CCDC60: variants seen among roughly 807,000 people sequenced by gnomAD.
The protein encoded by CCDC60 is coiled-coil domain-containing protein 60.
Under a neutral mutation model 63.5 loss-of-function variants are expected in CCDC60, and 54 were observed. The ratio of observed to expected loss-of-function variants is 0.85; its 90% CI spans 0.68 to 1.07. The LOEUF (loss-of-function observed/expected upper bound fraction) is 1.07, where lower values mean the gene tolerates loss of function less well. Among genes scored for constraint, CCDC60 ranks in the 50% least tolerant of loss-of-function variants. CCDC60 has a pLI of 0.00. For missense variants in CCDC60, 651 were observed against 684.3 expected, an observed-to-expected ratio of 0.95 and a Z score of 0.54; for synonymous variants, 206 against 238.8, an observed-to-expected ratio of 0.86 and a Z score of 1.27.
In CCDC60 at chr12:119,456,039, G is replaced by T. The variant is rs940891694; in HGVS notation, c.171-15955G>T. 6.9e-6 allele frequency among the ~76,000 whole-genome samples: 1 copy of T among 145,838 alleles called. No individual in the cohort carries two copies. The highest frequency in any genetic ancestry group is 1.5e-5 in the Non-Finnish European group (1 of 66,442). On this transcript the variant is annotated intron_variant, in intron 2 of 13. Transcript: ENST00000327554. The surrounding 1 kb of genome is among the most constrained non-coding windows in gnomAD (Gnocchi z 4.6). ...AGAAAGAAAGAAAGAAAGAAAGAAA[G>T]AAAGAAAGAAAGAAAGAAAGAAAGC...
Position 119,450,911 on chromosome 12 carries a change from A to G in CCDC60, c.171-21083A>G, listed in dbSNP as rs1593106545. Reference sequence around the variant, plus strand: ...GATAAGACAAATCCAGCTCTCACAGAGCCCTGCAGCCTGGACTGCAGAGTC... The same window carrying G: ...GATAAGACAAATCCAGCTCTCACAGGGCCCTGCAGCCTGGACTGCAGAGTC... On this transcript the variant is annotated intron_variant, in intron 2 of 13. Transcript: ENST00000327554. Among the ~76,000 whole-genome samples the G allele has an allele frequency of 2.0e-5, 3 of 152,020 alleles. No homozygotes were observed. In the East Asian group the frequency reaches 5.8e-4, roughly 30 times the overall value.
intron 2 of CCDC60, among the ~76,000 whole-genome samples, chr12:119,439,233 G>T (rs929912262): frequency 2.7e-5 from 4 of 149,144 alleles, no homozygotes; most frequent in Non-Finnish European, 4.5e-5. Flanking sequence ...GTCCTTAGGT[G>T]AATTTATTCT....
chr12:119,405,479 C>T (rs1433897744), intron 1 of CCDC60, among the ~76,000 whole-genome samples: 4 of 152,160 alleles, frequency 2.6e-5, no homozygotes. Context: ...AAGTCGGGCT[C>T]TGTATTTTAA....
Position 119,423,682 on chromosome 12 carries a change from T to C in CCDC60, c.91-5001T>C, listed in dbSNP as rs114404750. Among the ~76,000 whole-genome samples the C allele has an allele frequency of 5.9e-3, 894 of 152,338 alleles. 8 individuals carry two copies. The highest frequency in any genetic ancestry group is 0.021 in the African/African-American group (861 of 41,590). The stretch of plus-strand genomic sequence containing the variant: ...CTTCTTCCCTTAATTCCTCCAGCCC[T>C]GGAGATGGTAGAGGTTTCCTTTTGC... On this transcript the variant is annotated intron_variant, in intron 1 of 13. Transcript: ENST00000327554.
chr12:119,432,653 T>C (rs1950251870), intron 2 of CCDC60, among the ~76,000 whole-genome samples: 1 of 152,170 alleles, frequency 6.6e-6, no homozygotes, highest in South Asian at 2.1e-4. Context: ...TGACCTAGAC[T>C]TGACTCAGCC....
chr12:119,458,531 G>A (rs534403586), intron 2 of CCDC60, among the ~76,000 whole-genome samples: 1 of 152,236 alleles, frequency 6.6e-6, no homozygotes, highest in East Asian at 1.9e-4. Context: ...TTGAACATGA[G>A]TTTCACTCAC....
At chr12:119,369,031 A>G (rs569192741) in intron 1 of CCDC60, among the ~76,000 whole-genome samples, 3 of 152,320 alleles carry the variant, frequency 2.0e-5, no homozygotes, top group African/African-American at 7.2e-5. Context: ...TTGTGGAAAG[A>G]TAAGAGTCTC....
At chr12:119,518,860 A>T (rs1952421271) in intron 8 of CCDC60, among the ~76,000 whole-genome samples, 1 of 152,150 alleles carries the variant, frequency 6.6e-6, no homozygotes, top group South Asian at 2.1e-4. Flanking sequence ...TGACTTCCAT[A>T]AGGTCTTCAA....
At chr12:119,506,697 C>T (rs1449728744) in intron 7 of CCDC60, among the ~76,000 whole-genome samples, 2 of 151,984 alleles carry the variant, frequency 1.3e-5, no homozygotes, top group African/African-American at 4.8e-5. Flanking sequence ...TGAGCCCTCA[C>T]ACAAGAAAAA....
chr12:119,538,050 T>C (rs1244461911), intron 13 of CCDC60, among the ~76,000 whole-genome samples: 1 of 152,230 alleles, frequency 6.6e-6, no homozygotes, highest in Admixed American at 6.5e-5. Context: ...CAACAGGCCT[T>C]GCTGAGCTGT....
At chr12:119,538,160 C>T (rs1163837752) in intron 13 of CCDC60, among the ~76,000 whole-genome samples, 19 of 152,244 alleles carry the variant, frequency 1.2e-4, no homozygotes, top group Admixed American at 1.2e-3. Context: ...TGCTGCCTCA[C>T]AGGTTGATCT....
Position 119,536,709 on chromosome 12 carries a change from A to T in CCDC60, c.1552-3905A>T, listed in dbSNP as rs558700782. Among the ~76,000 whole-genome samples the T allele has an allele frequency of 2.7e-3, 407 of 152,316 alleles. 1 individual carries two copies. Among genetic ancestry groups the T allele is most frequent in the Non-Finnish European group, 4.4e-3 (302 of 68,016 alleles). ...TGGCTGGATATGAAATTCTGGGTTG[A>T]AAATCCTTTTCTTTAAGAATGCTGA... On this transcript the variant is annotated intron_variant, in intron 13 of 13. Coordinates refer to ENST00000327554, the MANE Select transcript of CCDC60 (RefSeq NM_178499.5).
chr12:119,485,495 A>G (rs1191783089), intron 4 of CCDC60, among the ~76,000 whole-genome samples: 1 of 152,214 alleles, frequency 6.6e-6, no homozygotes, highest in East Asian at 1.9e-4. Flanking sequence ...CTGAAAGCCC[A>G]AGATCAAGGT....
rs1012509927 is a variant in CCDC60, at chr12:119,471,047, G to A, written c.171-947G>A. 2.6e-5 allele frequency among the ~76,000 whole-genome samples: 4 copies of A among 152,172 alleles called. No homozygotes were observed. In the South Asian group the frequency reaches 8.3e-4, roughly 32 times the overall value. On this transcript the variant is annotated intron_variant, in intron 2 of 13. Transcript: ENST00000327554. ...ACATTTACATCTAGGAACAAAGTGG[G>A]CAGACAGAAAGAAACATGTAGACAC... is the stretch of plus-strand genomic sequence containing the variant.
chr12:119,494,976 C>T (rs1336371386), intron 5 of CCDC60, among the ~76,000 whole-genome samples: 4 of 152,280 alleles, frequency 2.6e-5, no homozygotes, highest in East Asian at 1.9e-4. Flanking sequence ...AGCAAATCTC[C>T]GTCTCAAATA....
At chr12:119,398,985 A>T (rs1036477929) in intron 1 of CCDC60, among the ~76,000 whole-genome samples, 3 of 152,212 alleles carry the variant, frequency 2.0e-5, no homozygotes, top group African/African-American at 7.2e-5. Context: ...CAGATGAGGA[A>T]ATTGATGCAT....
At chr12:119,469,643 G>A (rs1426717900) in intron 2 of CCDC60, among the ~76,000 whole-genome samples, 4 of 152,136 alleles carry the variant, frequency 2.6e-5, no homozygotes, top group Non-Finnish European at 5.9e-5. Context: ...ATTGCCCAGC[G>A]GGGGCAATTG....
chr12:119,507,453 C>T (rs187910235), intron 7 of CCDC60, among the ~76,000 whole-genome samples: 5,463 of 144,834 alleles, frequency 0.038, 146 homozygotes, highest in Non-Finnish European at 0.055. Flanking sequence ...CATATATATA[C>T]ATATATACAC....
intron 7 of CCDC60, among the ~76,000 whole-genome samples, chr12:119,506,508 G>A (rs1316981597): frequency 6.6e-6 from 1 of 151,734 alleles, no homozygotes; most frequent in African/African-American, 2.4e-5. Flanking sequence ...AACTACTCAG[G>A]AGGCTGAGGT....
Sources: gnomAD v4.1 joint callset for allele counts (sites outside exome capture counted in the v4.1 genomes callset) on GRCh38, gnomAD v4.1.1 for gene constraint, Gnocchi (gnomAD v3.1) non-coding constraint, MANE v1.5 for transcripts, NCBI Gene and HGNC (gene_info 2026-07-23, HGNC 2026-07-21) for gene names.